PDZRN4: variants seen among roughly 807,000 people sequenced by gnomAD.
The protein encoded by PDZRN4 is PDZ domain containing ring finger 4.
A neutral mutation model predicts 99.0 loss-of-function variants in PDZRN4; 70 were observed. The ratio of observed to expected loss-of-function variants is 0.71; its 90% confidence interval spans 0.58 to 0.86. The LOEUF is 0.86. Among genes scored for constraint, PDZRN4 ranks in the 40% least tolerant of loss-of-function variants. The probability of loss-of-function intolerance (pLI) is 0.00; values close to 1 mark genes in which losing one functional copy is unlikely to be tolerated. For synonymous variants in PDZRN4, 551 were observed against 501.6 expected, an observed-to-expected ratio of 1.10 and a Z score of -1.32; for missense variants, 1,474 against 1,331.2, an observed-to-expected ratio of 1.11 and a Z score of -1.67.
intron 3 of PDZRN4, among the ~76,000 whole-genome samples, chr12:41,452,115 A>AC (rs1952779789): frequency 9.7e-6 from 1 of 103,140 alleles, no homozygotes; most frequent in East Asian, 2.6e-4. Flanking sequence ...TGAATAAGAG[A>AC]CAAAAAAAAA....
chr12:41,190,600 G>A (rs185722811), intron 1 of PDZRN4, among the ~76,000 whole-genome samples: 4 of 152,342 alleles, frequency 2.6e-5, no homozygotes, highest in Non-Finnish European at 4.4e-5. Flanking sequence ...TCTACTACCA[G>A]TAGGGGCTGC....
chr12:41,397,931 GT>G (rs1334180214), intron 3 of PDZRN4, among the ~76,000 whole-genome samples: 1 of 152,034 alleles, frequency 6.6e-6, no homozygotes, highest in Admixed American at 6.6e-5. Context: ...AGGTAACATG[GT>G]TTAAAAAAAA....
chr12:41,529,438 T>C (rs897633115), intron 5 of PDZRN4, among the ~76,000 whole-genome samples: 1 of 152,236 alleles, frequency 6.6e-6, no homozygotes, highest in African/African-American at 2.4e-5. Flanking sequence ...ACTTTAGTGC[T>C]ACCATAATCA....
chr12:41,318,955 A>G (rs1319468108), intron 3 of PDZRN4, among the ~76,000 whole-genome samples: 1 of 152,178 alleles, frequency 6.6e-6, no homozygotes, highest in East Asian at 1.9e-4. Context: ...TCCTTGTACC[A>G]TGTTTCTGGA....
chr12:41,274,311 A>G (rs1951335842), intron 3 of PDZRN4, among the ~76,000 whole-genome samples: 1 of 152,152 alleles, frequency 6.6e-6, no homozygotes. Flanking sequence ...TTTCATACCA[A>G]GCATTATTTA....
intron 3 of PDZRN4, among the ~76,000 whole-genome samples, chr12:41,377,909 A>T (rs978367329): frequency 6.6e-6 from 1 of 152,170 alleles, no homozygotes; most frequent in African/African-American, 2.4e-5. Context: ...TTCTACATAT[A>T]AGATCATATT....
chr12:41,337,478 AC>A (rs141165507), intron 3 of PDZRN4, among the ~76,000 whole-genome samples: 1,987 of 152,186 alleles, frequency 0.013, 46 homozygotes, highest in African/African-American at 0.045. Flanking sequence ...AGAGGATGGG[AC>A]CTCCAACCTT....
intron 5 of PDZRN4, among the ~76,000 whole-genome samples, chr12:41,542,216 G>A (rs1396627261): frequency 6.6e-6 from 1 of 152,198 alleles, no homozygotes; most frequent in Non-Finnish European, 1.5e-5. Context: ...GTTTACAAAT[G>A]CTGAGAGTGG....
chr12:41,276,370 T>C (rs147385927), intron 3 of PDZRN4, among the ~76,000 whole-genome samples: 1 of 152,226 alleles, frequency 6.6e-6, no homozygotes, highest in Non-Finnish European at 1.5e-5. Context: ...CTTTTTAGTA[T>C]ATTATAGTTA....
At chr12:41,526,838 C>T (rs1171697536) in intron 5 of PDZRN4, among the ~76,000 whole-genome samples, 1 of 152,146 alleles carries the variant, frequency 6.6e-6, no homozygotes, top group Non-Finnish European at 1.5e-5. Flanking sequence ...CTAAATTTTG[C>T]TCTTACATCC....
intron 5 of PDZRN4, among the ~76,000 whole-genome samples, chr12:41,512,090 A>G (rs1938315889): frequency 6.6e-6 from 1 of 152,100 alleles, no homozygotes. Flanking sequence ...TCAGAAAGAG[A>G]TATGCATTCC....
chr12:41,321,559 A>G (rs1951677758), intron 3 of PDZRN4, among the ~76,000 whole-genome samples: 1 of 152,204 alleles, frequency 6.6e-6, no homozygotes, highest in South Asian at 2.1e-4. Context: ...CTCAGTTCCT[A>G]GAAATTCTAG....
intron 3 of PDZRN4, among the ~76,000 whole-genome samples, chr12:41,203,583 CCCA>C (rs1461998568): frequency 6.6e-6 from 1 of 151,780 alleles, no homozygotes; most frequent in Non-Finnish European, 1.5e-5. Context: ...TCTTTGTATC[CCCA>C]CAACACTCTA....
In PDZRN4 at chr12:41,484,219, A is replaced by G. The variant is rs138797423; in HGVS notation, c.844-22237A>G. On this transcript the variant is annotated intron_variant, in intron 3 of 9. Transcript: ENST00000402685. The stretch of plus-strand genomic sequence containing the variant: ...GGACAAGGTGAAATTGAGAAAAGAT[A>G]TTTGTAAATACTCAAATAATCATAA... Among the ~76,000 whole-genome samples the G allele has an allele frequency of 5.5e-3, 844 of 152,312 alleles. 9 individuals are homozygous for G. Among genetic ancestry groups the G allele is most frequent in the African/African-American group, 0.019 (800 of 41,574 alleles).
At chr12:41,558,758 T>A (rs1483731164) in intron 7 of PDZRN4, among the ~76,000 whole-genome samples, 1 of 152,140 alleles carries the variant, frequency 6.6e-6, no homozygotes, top group Non-Finnish European at 1.5e-5. Flanking sequence ...ACTTAATACA[T>A]GTCCCAGTAA....
At chr12:41,384,498 T>A (rs1251804868) in intron 3 of PDZRN4, among the ~76,000 whole-genome samples, 1 of 152,210 alleles carries the variant, frequency 6.6e-6, no homozygotes, top group Non-Finnish European at 1.5e-5. Flanking sequence ...TGGATTATTT[T>A]AAGTTGTTAC....
chr12:41,537,836 T>C (rs1279953335), intron 5 of PDZRN4, among the ~76,000 whole-genome samples: 1 of 152,022 alleles, frequency 6.6e-6, no homozygotes, highest in Admixed American at 6.6e-5. Flanking sequence ...AATGATAAGG[T>C]CATTAACCAG....
At chr12:41,261,234 C>T (rs1483177420) in intron 3 of PDZRN4, among the ~76,000 whole-genome samples, 1 of 151,636 alleles carries the variant, frequency 6.6e-6, no homozygotes, top group Non-Finnish European at 1.5e-5. Context: ...CGTTGCATTT[C>T]GAAAAACGTA....
intron 3 of PDZRN4, among the ~76,000 whole-genome samples, chr12:41,441,304 T>A (rs902708629): frequency 1.3e-5 from 2 of 152,156 alleles, no homozygotes; most frequent in Non-Finnish European, 2.9e-5. Flanking sequence ...TAGCACTAGT[T>A]CTCAGACAAT....
Sources: allele counts gnomAD v4.1 joint callset (sites outside exome capture counted in the v4.1 genomes callset), GRCh38; gene constraint gnomAD v4.1.1; transcripts MANE v1.5; gene names NCBI Gene and HGNC (gene_info 2026-07-23, HGNC 2026-07-21).